DCBLD2: variants seen among roughly 807,000 people sequenced by gnomAD.
DCBLD2 encodes the protein discoidin, CUB and LCCL domain containing 2, also known as discoidin, CUB and LCCL domain-containing protein 2.
A neutral mutation model predicts 86.8 loss-of-function variants in DCBLD2; 54 were observed. The ratio of observed to expected loss-of-function variants is 0.62; its 90% confidence interval spans 0.50 to 0.78. The LOEUF is 0.78. Among genes scored for constraint, DCBLD2 ranks in the 30% least tolerant of loss-of-function variants. The pLI is 0.00. For synonymous variants in DCBLD2, 354 were observed against 341.3 expected (o/e 1.04, Z -0.41); for missense variants, 908 against 954.2 (o/e 0.95, Z 0.64).
chr3:98,864,789 C>T (rs1341701095), intron 2 of DCBLD2, among the ~76,000 whole-genome samples: 2 of 151,970 alleles, frequency 1.3e-5, no homozygotes, highest in Non-Finnish European at 2.9e-5. Context: ...ACCAACATGG[C>T]TCATGCATAC....
intron 1 of DCBLD2, 61 bp from the exon 2 acceptor site, chr3:98,881,828 AT>A (rs1204963490): frequency 4.0e-6 from 6 of 1,507,842 alleles, no homozygotes; most frequent in African/African-American, 2.8e-5. Flanking sequence ...CTCTATAATG[AT>A]TTTTTTGTGA....
At chr3:98,807,999 G>C in intron 13 of DCBLD2, 82 bp downstream of exon 13, 1 of 1,060,662 alleles carries the variant, frequency 9.4e-7, no homozygotes, top group Non-Finnish European at 1.3e-6. Flanking sequence ...CTCTCAAACA[G>C]GTAAACATTT....
At chr3:98,808,324 T>C in intron 12 of DCBLD2, 150 bp from the exon 13 acceptor site, 2 of 636,438 alleles carry the variant, frequency 3.1e-6, no homozygotes, top group Middle Eastern at 3.0e-4. Context: ...GGGCATGTGG[T>C]GGTAACTGTA....
rs779100649 is a variant in DCBLD2 at position 98,822,276 on chromosome 3, C to T, written c.782G>A (p.Gly261Asp). Residue 261 changes from glycine (G) to aspartate (D), a missense_variant, in exon 6 of 16, where the codon GGT becomes GAT. By Grantham distance (94) the Gly-to-Asp change is moderately conservative (BLOSUM62 -1). Coordinates refer to ENST00000326840, the MANE Select transcript of DCBLD2 (RefSeq NM_080927.4). ...CAAAGAACTTTCATAATAGGGGATA[C>T]CTTTACTAATTACAACACTGATTTG... is the stretch of plus-strand genomic sequence containing the variant. ...GGQISVVISK[G>D]IPYYESSLAN... 3 of 1,613,726 alleles carry T rather than the reference C, an allele frequency of 1.9e-6. No homozygotes were observed. Among genetic ancestry groups the T allele is most frequent in the African/African-American group, 2.7e-5 (2 of 74,890 alleles).
Position 98,836,719 on chromosome 3 carries a change from G to T in DCBLD2, c.572-11353C>A, listed in dbSNP as rs1321561224. On this transcript the variant is annotated intron_variant, in intron 3 of 15. Coordinates refer to ENST00000326840, the MANE Select transcript of DCBLD2 (RefSeq NM_080927.4). ...CCCGGACGGGGCGGCTGGCCGGGCG[G>T]GGGGGCTGACCCCCCCATCTCCCTC... Among the ~76,000 whole-genome samples the T allele has an allele frequency of 1.9e-4, 8 of 41,528 alleles. 3 individuals carry two copies. Among genetic ancestry groups the T allele is most frequent in the Admixed American group, 6.3e-4 (2 of 3,158 alleles). The allele number at this position is 41,528 out of a possible 152,430, so 27.2% of individuals were successfully genotyped here. A position where few individuals can be genotyped will look rare whatever the true frequency, so the allele number is the denominator to read the frequency against.
chr3:98,812,320 CT>C lies in DCBLD2; in HGVS notation c.1363+11del. On this transcript the variant is annotated intron_variant, in intron 10 of 15. Transcript: ENST00000326840. ...CCAGTAAAAACATATCTTAAACGAA[CT>C]GTCTCTTTACCTTTAGGAATAAACT... 8 of 1,611,832 alleles carry C rather than the reference CT, an allele frequency of 5.0e-6. No individual in the cohort carries two copies.
In DCBLD2 at chr3:98,901,217, G is replaced by T. The variant is rs1419666330; in HGVS notation, c.110C>A (p.Pro37His). Reference sequence around the variant, plus strand: ...GAAGGAGGAGGAGTTGGAGCAGGGAGGGAGGGAGCGGGAGAGGGGGAGCGC... The same window carrying T: ...GAAGGAGGAGGAGTTGGAGCAGGGATGGAGGGAGCGGGAGAGGGGGAGCGC... ...WAALPLSRSL[P>H]PCSNSSSFSM... Residue 37 changes from proline (P) to histidine (H), a missense_variant, in exon 1 of 16, where the codon CCT (proline) becomes CAT (histidine). This residue lies in a region of DCBLD2 where 294 missense variants were observed against 256.0 expected (regional missense o/e 1.15). Transcript: ENST00000326840. 1 of 1,535,540 alleles carries T rather than the reference G, an allele frequency of 6.5e-7. No homozygotes were observed. Among genetic ancestry groups the T allele is most frequent in the Admixed American group, 2.0e-5 (1 of 51,020 alleles).
rs549331487 is a variant in DCBLD2, at chr3:98,842,199, C to A, written c.571+7262G>T. 2.0e-5 allele frequency among the ~76,000 whole-genome samples: 3 copies of A among 152,252 alleles called. No homozygotes were observed. In the South Asian group the frequency reaches 6.2e-4, roughly 32 times the overall value. ...TGTGATCTAAAATTATTTAAATAAC[C>A]AATTTCCCAGAGCCTTAAACAATAT... On this transcript the variant is annotated intron_variant, in intron 3 of 15. Coordinates refer to ENST00000326840, the MANE Select transcript of DCBLD2 (RefSeq NM_080927.4).
intron 1 of DCBLD2, among the ~76,000 whole-genome samples, chr3:98,885,225 GA>G (rs1943541070): frequency 6.6e-6 from 1 of 152,070 alleles, no homozygotes; most frequent in Non-Finnish European, 1.5e-5. Flanking sequence ...CAAGCAAGAT[GA>G]TATGCACCAG....
intron 2 of DCBLD2, among the ~76,000 whole-genome samples, chr3:98,861,746 A>G (rs1943048056): frequency 6.6e-6 from 1 of 152,098 alleles, no homozygotes; most frequent in South Asian, 2.1e-4. Flanking sequence ...GGGAAATTTA[A>G]GCACTAAATG....
At chr3:98,849,279 A>G (rs1942787606) in intron 3 of DCBLD2, 182 bp downstream of exon 3, 1 of 676,906 alleles carries the variant, frequency 1.5e-6, no homozygotes, top group Non-Finnish European at 2.5e-6. Flanking sequence ...ACGTTTATGT[A>G]CTTTTATTTT....
intron 2 of DCBLD2, among the ~76,000 whole-genome samples, chr3:98,854,380 T>C (rs1942896165): frequency 6.6e-6 from 1 of 152,158 alleles, no homozygotes; most frequent in Non-Finnish European, 1.5e-5. Context: ...TGTTCTCTTT[T>C]TGAATGTCTA....
At chr3:98,839,145 TTC>T (rs1491562777) in intron 3 of DCBLD2, among the ~76,000 whole-genome samples, 7 of 3,220 alleles carry the variant, frequency 2.2e-3, no homozygotes, top group African/African-American at 2.5e-3. Context: ...CCTTCCTTCC[TTC>T]TTTCTTTCTT....
chr3:98,826,837 A>G (rs547055049), intron 3 of DCBLD2, among the ~76,000 whole-genome samples: 1 of 152,320 alleles, frequency 6.6e-6, no homozygotes, highest in South Asian at 2.1e-4. Flanking sequence ...AAGTGATTTT[A>G]CATATAAACG....
chr3:98,824,412 C>G (rs1227645087), intron 4 of DCBLD2, among the ~76,000 whole-genome samples: 1 of 152,084 alleles, frequency 6.6e-6, no homozygotes, highest in African/African-American at 2.4e-5. Flanking sequence ...GACCCTCTGC[C>G]AGGGCTGTCT....
At chr3:98,882,879 CAT>C (rs1943496987) in intron 1 of DCBLD2, among the ~76,000 whole-genome samples, 1 of 152,194 alleles carries the variant, frequency 6.6e-6, no homozygotes, top group Admixed American at 6.5e-5. Context: ...CCGCAATAAA[CAT>C]ATGTGTGCAT....
chr3:98,882,140 A>G (rs977554429), intron 1 of DCBLD2, among the ~76,000 whole-genome samples: 1 of 152,220 alleles, frequency 6.6e-6, no homozygotes, highest in African/African-American at 2.4e-5. Context: ...TGTTCTTAGT[A>G]TATCTATTCA....
chr3:98,884,846 T>C (rs1055530770), intron 1 of DCBLD2, among the ~76,000 whole-genome samples: 3 of 152,286 alleles, frequency 2.0e-5, no homozygotes, highest in South Asian at 2.1e-4. Flanking sequence ...TAGTGGCAGA[T>C]TGTCACACTT....
rs2279761 is a variant in DCBLD2 at position 98,901,528 on chromosome 3, G to C, written c.-202C>G. ...GTCCCTTCCCTCCGCTCCCCGCGCC[G>C]AGACCCCAGGCCGGAGCGCAGGGGA... On this transcript the variant is annotated 5_prime_UTR_variant, in exon 1 of 16. Coordinates refer to ENST00000326840, the MANE Select transcript of DCBLD2 (RefSeq NM_080927.4). 1 of 430,096 alleles carries C rather than the reference G, an allele frequency of 2.3e-6. No homozygotes were observed. The highest frequency in any genetic ancestry group is 4.1e-5 in the East Asian group (1 of 24,172). The allele number at this position is 430,096 out of a possible 1,614,324, so 26.6% of individuals were successfully genotyped here. A position where few individuals can be genotyped will look rare whatever the true frequency, so the allele number is the denominator to read the frequency against.
Sources: gnomAD v4.1 joint callset for allele counts (sites outside exome capture counted in the v4.1 genomes callset) on GRCh38, gnomAD v4.1.1 for gene constraint, gnomAD v4.1.1 regional missense constraint, MANE v1.5 for transcripts, NCBI Gene and HGNC (gene_info 2026-07-23, HGNC 2026-07-21) for gene names.